Variants in CACNA1E observed in about 807,000 individuals in gnomAD.
CACNA1E encodes voltage-dependent R-type calcium channel subunit alpha-1E.
Under a neutral mutation model 259.2 loss-of-function variants are expected in CACNA1E, and 40 were observed. The observed-to-expected ratio is 0.15, with a 90% CI of 0.12 to 0.20. The LOEUF is 0.20. Among genes scored for constraint, CACNA1E ranks in the 10% least tolerant of loss-of-function variants. The pLI, the probability that CACNA1E is intolerant of heterozygous loss-of-function variation, is 1.00. For synonymous variants in CACNA1E, 1,104 were observed against 1,138.5 expected, an observed-to-expected ratio of 0.97 and a Z score of 0.61; for missense variants, 1,874 against 3,040.1, an observed-to-expected ratio of 0.62 and a Z score of 9.02.
intron 1 of CACNA1E, among the ~76,000 whole-genome samples, chr1:181,357,443 T>C (rs1653536018): frequency 6.6e-6 from 1 of 152,240 alleles, no homozygotes; most frequent in South Asian, 2.1e-4. Context: ...TGAACAGGGC[T>C]GGACCCTCTG....
chr1:181,724,993 G>A (rs909140392), intron 17 of CACNA1E, among the ~76,000 whole-genome samples: 1 of 152,190 alleles, frequency 6.6e-6, no homozygotes, highest in Non-Finnish European at 1.5e-5. Flanking sequence ...AGTAGGCAAA[G>A]GTCATTTTGG....
At chr1:181,718,494 C>T (rs1265661784) in intron 12 of CACNA1E, among the ~76,000 whole-genome samples, 1 of 151,840 alleles carries the variant, frequency 6.6e-6, no homozygotes, top group Non-Finnish European at 1.5e-5. Context: ...TGGGGGAAGC[C>T]TGAAAAGGAC....
intron 12 of CACNA1E, among the ~76,000 whole-genome samples, chr1:181,718,467 T>G (rs963798294): frequency 6.6e-6 from 1 of 152,186 alleles, no homozygotes; most frequent in Non-Finnish European, 1.5e-5. Flanking sequence ...GCCAGAGTTT[T>G]GAACCACTTA....
At chr1:181,451,842 C>G (rs1170642314) in intron 2 of CACNA1E, among the ~76,000 whole-genome samples, 2 of 152,132 alleles carry the variant, frequency 1.3e-5, no homozygotes, top group Non-Finnish European at 1.5e-5. Flanking sequence ...GGACTTTACC[C>G]TACGAGAAGT....
intron 6 of CACNA1E, among the ~76,000 whole-genome samples, chr1:181,647,039 T>C (rs1012016163): frequency 1.3e-5 from 2 of 149,108 alleles, no homozygotes; most frequent in Non-Finnish European, 3.0e-5. Flanking sequence ...GAGCAGCCAG[T>C]GTGCCAGTCT....
At chr1:181,769,202 T>C (rs1465321529) in intron 35 of CACNA1E, among the ~76,000 whole-genome samples, 2 of 152,142 alleles carry the variant, frequency 1.3e-5, no homozygotes, top group Admixed American at 1.3e-4. Flanking sequence ...ACAAGTCTCT[T>C]CTAGTTCTAA....
intron 40 of CACNA1E, 151 bp from the exon 41 acceptor site, chr1:181,784,510 C>T (rs1660697925): frequency 1.7e-6 from 1 of 571,738 alleles, no homozygotes; most frequent in South Asian, 2.4e-5. Context: ...AGCAGAAAGA[C>T]CTGGTATTGC....
At chr1:181,563,051 C>G (rs987178104) in intron 3 of CACNA1E, among the ~76,000 whole-genome samples, 11 of 152,230 alleles carry the variant, frequency 7.2e-5, no homozygotes, top group African/African-American at 2.6e-4. Flanking sequence ...CTTAATAACT[C>G]TAAAAATAAA....
chr1:181,353,282 C>A (rs1424440687), intron 1 of CACNA1E, among the ~76,000 whole-genome samples: 2 of 152,154 alleles, frequency 1.3e-5, no homozygotes, highest in Non-Finnish European at 2.9e-5. Flanking sequence ...ATACCACAAA[C>A]ATGGTTCAGG....
At chr1:181,674,394 CAAAAAAAAAAAAAAAAA>C (rs10711497) in intron 7 of CACNA1E, among the ~76,000 whole-genome samples, 1 of 43,566 alleles carries the variant, frequency 2.3e-5, no homozygotes, top group Non-Finnish European at 4.2e-5. Flanking sequence ...GACTCCATCT[CAAAAAAAAAAAAAAAAA>C]AAAAAAAAAG....
chr1:181,467,174 G>C (rs1662204340), intron 2 of CACNA1E, among the ~76,000 whole-genome samples: 1 of 152,232 alleles, frequency 6.6e-6, no homozygotes, highest in Non-Finnish European at 1.5e-5. Context: ...GGAAACGAAA[G>C]ATCAGATTCA....
chr1:181,518,821 C>T (rs891410235), intron 3 of CACNA1E, among the ~76,000 whole-genome samples: 1 of 152,146 alleles, frequency 6.6e-6, no homozygotes, highest in African/African-American at 2.4e-5. Flanking sequence ...TTCTTGCCAC[C>T]CCCACCCATT....
intron 23 of CACNA1E, 132 bp downstream of exon 23, chr1:181,737,786 T>A: frequency 8.3e-7 from 1 of 1,204,460 alleles, no homozygotes; most frequent in South Asian, 1.4e-5. Flanking sequence ...TCCACTCCTG[T>A]TCCTCAGGGC....
intron 2 of CACNA1E, among the ~76,000 whole-genome samples, chr1:181,457,541 G>T (rs1039042735): frequency 6.6e-6 from 1 of 152,360 alleles, no homozygotes; most frequent in East Asian, 1.9e-4. Flanking sequence ...ACTATGACTG[G>T]TCTTACTTGG....
intron 1 of CACNA1E, among the ~76,000 whole-genome samples, chr1:181,358,930 A>T (rs7543984): frequency 0.037 from 5,703 of 152,278 alleles, 286 homozygotes; most frequent in African/African-American, 0.11. Flanking sequence ...TGGTTGTGGG[A>T]CTAACAGGAA....
chr1:181,728,376 T>C (rs781582842), intron 18 of CACNA1E, among the ~76,000 whole-genome samples: 58 of 152,026 alleles, frequency 3.8e-4, no homozygotes, highest in Non-Finnish European at 7.5e-4. Context: ...TTGAGCAGAG[T>C]GTGCATCAGG....
At chr1:181,797,267 C>G (rs1661892539) in intron 47 of CACNA1E, among the ~76,000 whole-genome samples, 1 of 152,192 alleles carries the variant, frequency 6.6e-6, no homozygotes, top group Non-Finnish European at 1.5e-5. Flanking sequence ...GCAGTTCACC[C>G]TCATTTACCT....
intron 16 of CACNA1E, 115 bp from the exon 17 acceptor site, chr1:181,724,355 A>G: frequency 1.3e-6 from 1 of 748,836 alleles, no homozygotes; most frequent in Non-Finnish European, 2.3e-6. Flanking sequence ...GTGACTCTTC[A>G]GGGTAGCTTC....
chr1:181,551,822 G>T (rs1215400135), intron 3 of CACNA1E, among the ~76,000 whole-genome samples: 1 of 152,036 alleles, frequency 6.6e-6, no homozygotes, highest in Non-Finnish European at 1.5e-5. Context: ...TTGTTGAATA[G>T]GTTTTACATT....
Sources: allele counts gnomAD v4.1 joint callset (sites outside exome capture counted in the v4.1 genomes callset), GRCh38; gene constraint gnomAD v4.1.1; transcripts MANE v1.5; gene names NCBI Gene and HGNC (gene_info 2026-07-23, HGNC 2026-07-21).